SEZ6L: variants seen among roughly 807,000 people sequenced by gnomAD.
SEZ6L encodes seizure 6-like protein.
In SEZ6L, 37 loss-of-function variants were observed where a neutral mutation model predicts 106.2. That is an observed-to-expected ratio of 0.35 (90% CI 0.27 to 0.46). SEZ6L has a LOEUF of 0.46. Among genes scored for constraint, SEZ6L ranks in the 20% least tolerant of loss-of-function variants. SEZ6L has a pLI of 1.00. For missense variants in SEZ6L, 1,172 were observed against 1,332.8 expected (o/e 0.88, Z 1.88); for synonymous variants, 541 against 570.4 (o/e 0.95, Z 0.73).
In SEZ6L at chr22:26,191,114, C is replaced by G. The variant is rs79082767; in HGVS notation, c.94+21351C>G. Reference sequence around the variant, plus strand: ...ATCCTATAAATGTAGGATGTTTGAGCAATAGGTCCATGCCAGGTCTCTCTA... The same window carrying G: ...ATCCTATAAATGTAGGATGTTTGAGGAATAGGTCCATGCCAGGTCTCTCTA... On this transcript the variant is annotated intron_variant, in intron 1 of 16. Coordinates refer to ENST00000248933, the MANE Select transcript of SEZ6L (RefSeq NM_021115.5). 6.4e-3 allele frequency among the ~76,000 whole-genome samples: 967 copies of G among 152,210 alleles called. 20 individuals carry two copies. Among genetic ancestry groups the G allele is most frequent in the African/African-American group, 0.022 (900 of 41,514 alleles).
At chr22:26,294,954 TCTTTCTTG>T (rs1260899873) in intron 3 of SEZ6L, among the ~76,000 whole-genome samples, 46 of 148,610 alleles carry the variant, frequency 3.1e-4, no homozygotes, top group African/African-American at 1.1e-3. Context: ...TTTCTTTCTT[TCTTTCTTG>T]CTTGCTTGCT....
intron 12 of SEZ6L, among the ~76,000 whole-genome samples, chr22:26,362,610 C>T (rs2083671177): frequency 6.6e-6 from 1 of 152,216 alleles, no homozygotes; most frequent in Admixed American, 6.5e-5. Context: ...GATTCACCTC[C>T]TCACCGCATT....
chr22:26,270,925 T>C (rs1463171949), intron 1 of SEZ6L, among the ~76,000 whole-genome samples: 1 of 152,190 alleles, frequency 6.6e-6, no homozygotes, highest in African/African-American at 2.4e-5. Context: ...ATTTCATGCT[T>C]AGTTAAAGAG....
intron 7 of SEZ6L, 32 bp downstream of exon 7, chr22:26,310,868 G>A (rs376747482): frequency 6.6e-5 from 106 of 1,606,020 alleles, no homozygotes; most frequent in Admixed American, 8.4e-5. Context: ...CCTTTCTCTT[G>A]TGGGGCTGGG....
At chr22:26,303,247 T>C (rs546314251) in intron 5 of SEZ6L, among the ~76,000 whole-genome samples, 2 of 152,340 alleles carry the variant, frequency 1.3e-5, no homozygotes, top group East Asian at 3.9e-4. Context: ...TTCTTGGCAA[T>C]GTCTTTGCTG....
intron 1 of SEZ6L, among the ~76,000 whole-genome samples, chr22:26,265,689 G>A (rs1188229057): frequency 6.6e-6 from 1 of 152,122 alleles, no homozygotes; most frequent in East Asian, 1.9e-4. Context: ...GCTCTAAGAG[G>A]CACCCAGGGC....
intron 9 of SEZ6L, among the ~76,000 whole-genome samples, chr22:26,316,890 AAG>A (rs371657529): frequency 2.9e-3 from 92 of 31,414 alleles, no homozygotes; most frequent in Middle Eastern, 0.014. Context: ...GAAAGAAAGA[AAG>A]AGAAAGAAAG....
chr22:26,206,068 T>C (rs1941257217), intron 1 of SEZ6L, among the ~76,000 whole-genome samples: 1 of 152,206 alleles, frequency 6.6e-6, no homozygotes, highest in Non-Finnish European at 1.5e-5. Context: ...AGAATAAATG[T>C]GCAACTCCTT....
chr22:26,251,361 A>T (rs1199555045), intron 1 of SEZ6L, among the ~76,000 whole-genome samples: 1 of 151,376 alleles, frequency 6.6e-6, no homozygotes, highest in Non-Finnish European at 1.5e-5. Context: ...TTTTATCATG[A>T]ATGGATGTTG....
intron 1 of SEZ6L, among the ~76,000 whole-genome samples, chr22:26,252,188 A>G (rs2079619786): frequency 6.6e-6 from 1 of 152,132 alleles, no homozygotes; most frequent in Non-Finnish European, 1.5e-5. Context: ...ATTCAAATTT[A>G]AGAAGCTGGA....
At chr22:26,319,250 C>T (rs115584608) in intron 9 of SEZ6L, among the ~76,000 whole-genome samples, 13,396 of 152,258 alleles carry the variant, frequency 0.088, 704 homozygotes, top group Middle Eastern at 0.13. Flanking sequence ...GCAGGGTCCA[C>T]GCCACCACTG....
In SEZ6L at chr22:26,379,510, A is replaced by G. The variant is rs868078232; in HGVS notation, c.3046-756A>G. On this transcript the variant is annotated intron_variant, in intron 16 of 16. Coordinates refer to ENST00000248933, the MANE Select transcript of SEZ6L (RefSeq NM_021115.5). ...TGCATATCTGTGTTGGCTGAATGGG[A>G]GCTGGAGACTTTCATTAAAGCATGT... Among the ~76,000 whole-genome samples, 4 of 152,360 alleles carry G rather than the reference A, an allele frequency of 2.6e-5. No homozygotes were observed. In the South Asian group the frequency reaches 8.3e-4, roughly 32 times the overall value.
chr22:26,293,601 A>G (rs2081208833), intron 2 of SEZ6L, among the ~76,000 whole-genome samples: 1 of 152,202 alleles, frequency 6.6e-6, no homozygotes, highest in Non-Finnish European at 1.5e-5. Context: ...CACTGGGATT[A>G]CAGGCATGAG....
At chr22:26,249,099 C>T (rs1016625051) in intron 1 of SEZ6L, among the ~76,000 whole-genome samples, 15 of 152,166 alleles carry the variant, frequency 9.9e-5, no homozygotes, top group South Asian at 2.1e-4. Flanking sequence ...TATTTCAATA[C>T]GTGTACACAA....
At chr22:26,305,535 T>C (rs1601444761) in intron 5 of SEZ6L, among the ~76,000 whole-genome samples, 1 of 152,230 alleles carries the variant, frequency 6.6e-6, no homozygotes, top group East Asian at 1.9e-4. Flanking sequence ...TTGCATTTCA[T>C]TTGTTATTAG....
intron 1 of SEZ6L, among the ~76,000 whole-genome samples, chr22:26,224,961 T>C (rs932009863): frequency 1.3e-5 from 2 of 151,884 alleles, no homozygotes; most frequent in Non-Finnish European, 2.9e-5. Context: ...CCACTAGCTA[T>C]TGTTACAAAA....
At chr22:26,285,849 T>G (rs756455949) in intron 1 of SEZ6L, among the ~76,000 whole-genome samples, 2 of 152,256 alleles carry the variant, frequency 1.3e-5, no homozygotes, top group African/African-American at 4.8e-5. Flanking sequence ...AACAGCCTTG[T>G]TCTTTCACTG....
chr22:26,258,819 C>T (rs2079907969), intron 1 of SEZ6L, among the ~76,000 whole-genome samples: 1 of 152,122 alleles, frequency 6.6e-6, no homozygotes, highest in Non-Finnish European at 1.5e-5. Flanking sequence ...GGGCCTTATA[C>T]ACAATGTTTG....
chr22:26,302,224 A>G (rs2081476829), intron 5 of SEZ6L, among the ~76,000 whole-genome samples: 1 of 152,136 alleles, frequency 6.6e-6, no homozygotes, highest in African/African-American at 2.4e-5. Flanking sequence ...GACTAGCAAA[A>G]TTATTAGAAA....
Sources: allele counts gnomAD v4.1 joint callset (sites outside exome capture counted in the v4.1 genomes callset), GRCh38; gene constraint gnomAD v4.1.1; transcripts MANE v1.5; gene names NCBI Gene and HGNC (gene_info 2026-07-23, HGNC 2026-07-21).